The following GYS2 variants were observed in gnomAD, a reference collection of about 807,000 sequenced individuals.
GYS2 encodes glycogen [starch] synthase, liver.
GYS2 carries 80 observed loss-of-function variants against 85.6 expected under a neutral mutation model. The ratio of observed to expected loss-of-function variants is 0.93; its 90% CI spans 0.78 to 1.13. GYS2 has a LOEUF of 1.13. Among genes scored for constraint, GYS2 ranks in the 50% most tolerant of loss-of-function variants. The pLI is 0.00. For synonymous variants in GYS2, 328 were observed against 300.7 expected (o/e 1.09, Z -0.94); for missense variants, 881 against 854.9 (o/e 1.03, Z -0.38).
At chr12:21,579,986 C>T (rs1004527238) in intron 2 of GYS2, among the ~76,000 whole-genome samples, 5 of 152,178 alleles carry the variant, frequency 3.3e-5, no homozygotes, top group Non-Finnish European at 7.3e-5. Flanking sequence ...AATGTAGATG[C>T]CCTAACATGC....
rs1441291329 is a variant in GYS2, at chr12:21,604,679, T to TA, written c.-88dup. The TA allele has an allele frequency of 3.1e-6, 5 of 1,592,330 alleles. No homozygotes were observed. The East Asian group carries it at 1.1e-4, about 36-fold the overall frequency. On this transcript the variant is annotated 5_prime_UTR_variant, in exon 1 of 16. An upstream open reading frame in the 5' UTR gains an earlier in-frame stop. Transcript: ENST00000261195. ...GAAGAGAACTTACAGGCACAAAAGTTAGAGTTGGTAGAGTTACCAGGCTTT... is the reference window on the plus strand; with the variant it reads ...GAAGAGAACTTACAGGCACAAAAGTTAAGAGTTGGTAGAGTTACCAGGCTTT...
chr12:21,541,844 C>T (rs1943979606), intron 13 of GYS2, among the ~76,000 whole-genome samples: 1 of 152,006 alleles, frequency 6.6e-6, no homozygotes, highest in African/African-American at 2.4e-5. Flanking sequence ...TCTTTCAACC[C>T]ACGCCCCTTC....
intron 1 of GYS2, among the ~76,000 whole-genome samples, chr12:21,588,296 T>A (rs1944596209): frequency 6.6e-6 from 1 of 152,238 alleles, no homozygotes; most frequent in Admixed American, 6.5e-5. Flanking sequence ...AACTTATACT[T>A]TACATAGTAA....
chr12:21,536,065 G>A (rs995491233), downstream of GYS2: 13 of 151,998 alleles, frequency 8.6e-5, no homozygotes, highest in Admixed American at 2.0e-4. Context: ...CATGTTATTC[G>A]AATGTCTAAA....
At position 21,604,533 on chromosome 12, in the gene GYS2, G is replaced by A. The variant is rs779375076; in HGVS notation, c.60C>T (p.Val20=). ...TSLGGLPQWE[V]EELPVEELLL... ...GTAACTCCTCCACAGGAAGTTCTTC[G>A]ACTTCCCACTGGGGAAGCCCACCCA... The change falls in exon 1 of 16, where the codon GTC becomes GTT. Residue 20 remains valine, a synonymous_variant. Coordinates refer to ENST00000261195, the MANE Select transcript of GYS2 (RefSeq NM_021957.4). The A allele has an allele frequency of 1.8e-5, 29 of 1,612,276 alleles. No homozygotes were observed. In the East Asian group the frequency reaches 4.2e-4, roughly 24 times the overall value.
intron 10 of GYS2, 122 bp downstream of exon 10, chr12:21,558,969 G>T (rs1184726245): frequency 3.2e-6 from 2 of 622,238 alleles, no homozygotes; most frequent in Non-Finnish European, 5.8e-6. Context: ...GACTATGTAA[G>T]AATGTCTTTT....
At chr12:21,560,872 A>G (rs1007602383) in intron 7 of GYS2, among the ~76,000 whole-genome samples, 5 of 152,334 alleles carry the variant, frequency 3.3e-5, no homozygotes, top group Non-Finnish European at 5.9e-5. Context: ...AGCTAATATT[A>G]CAAGACCAAA....
intron 1 of GYS2, among the ~76,000 whole-genome samples, chr12:21,585,346 G>C (rs1277065904): frequency 1.3e-5 from 2 of 152,172 alleles, no homozygotes; most frequent in African/African-American, 4.8e-5. Flanking sequence ...GCTAAGAAGA[G>C]AGTTACAGTG....
downstream of GYS2, among the ~76,000 whole-genome samples, chr12:21,534,024 A>G (rs1232125735): frequency 6.6e-6 from 1 of 152,180 alleles, no homozygotes; most frequent in East Asian, 1.9e-4. Context: ...ACATGATCTA[A>G]TCACTTCCCA....
downstream of GYS2, among the ~76,000 whole-genome samples, chr12:21,534,092 C>G (rs531396221): frequency 6.6e-6 from 1 of 152,132 alleles, no homozygotes; most frequent in Non-Finnish European, 1.5e-5. Flanking sequence ...TCAATACAGA[C>G]GGGCCCAACT....
At chr12:21,547,648 C>A (rs917961271) in intron 11 of GYS2, among the ~76,000 whole-genome samples, 4 of 151,984 alleles carry the variant, frequency 2.6e-5, no homozygotes, top group African/African-American at 9.7e-5. Context: ...AGAGTATAGA[C>A]AATTTTTAGG....
intron 1 of GYS2, among the ~76,000 whole-genome samples, chr12:21,601,500 C>T (rs1170020356): frequency 1.3e-5 from 2 of 152,156 alleles, no homozygotes; most frequent in African/African-American, 2.4e-5. Flanking sequence ...ACAGAGAACA[C>T]TTCTGCATCT....
chr12:21,596,125 C>CA (rs1036150151), intron 1 of GYS2, among the ~76,000 whole-genome samples: 3 of 151,176 alleles, frequency 2.0e-5, no homozygotes, highest in Non-Finnish European at 4.4e-5. Context: ...AATTACCAAC[C>CA]AAAAAAAAGT....
At chr12:21,588,686 TGAG>T (rs1944600610) in intron 1 of GYS2, among the ~76,000 whole-genome samples, 2 of 152,170 alleles carry the variant, frequency 1.3e-5, no homozygotes, top group Non-Finnish European at 2.9e-5. Flanking sequence ...ATAGAACACA[TGAG>T]GAGGAAGCAG....
At chr12:21,561,220 A>G (rs1487765452) in intron 7 of GYS2, among the ~76,000 whole-genome samples, 1 of 152,228 alleles carries the variant, frequency 6.6e-6, no homozygotes, top group Non-Finnish European at 1.5e-5. Context: ...TCTGAGTCCT[A>G]TAACAGGTTA....
chr12:21,600,820 T>A (rs1944748463), intron 1 of GYS2, among the ~76,000 whole-genome samples: 1 of 152,170 alleles, frequency 6.6e-6, no homozygotes, highest in Non-Finnish European at 1.5e-5. Flanking sequence ...ATTATTATAA[T>A]TTCTTCCATA....
At chr12:21,549,434 G>C (rs992855850) in intron 11 of GYS2, among the ~76,000 whole-genome samples, 2 of 152,094 alleles carry the variant, frequency 1.3e-5, no homozygotes, top group African/African-American at 4.8e-5. Context: ...AAACATAAAA[G>C]TCAGGAAATT....
chr12:21,541,963 T>C (rs1030945192), intron 13 of GYS2, among the ~76,000 whole-genome samples: 1 of 152,182 alleles, frequency 6.6e-6, no homozygotes, highest in Non-Finnish European at 1.5e-5. Context: ...CAGTATTTGG[T>C]TATCTGTTCC....
At chr12:21,535,757 A>G (rs1565589220), downstream of GYS2, among the ~76,000 whole-genome samples, 1 of 152,168 alleles carries the variant, frequency 6.6e-6, no homozygotes, top group African/African-American at 2.4e-5. Flanking sequence ...GAACAAGGCC[A>G]ATTGATATGT....
Sources: allele counts gnomAD v4.1 joint callset (sites outside exome capture counted in the v4.1 genomes callset), GRCh38; gene constraint gnomAD v4.1.1; transcripts MANE v1.5; gene names NCBI Gene and HGNC (gene_info 2026-07-23, HGNC 2026-07-21).